Variants in SERGEF observed in about 807,000 individuals in gnomAD.
SERGEF encodes secretion regulating guanine nucleotide exchange factor.
Under a neutral mutation model 50.0 loss-of-function variants are expected in SERGEF, and 51 were observed. The observed-to-expected ratio is 1.02, with a 90% confidence interval of 0.81 to 1.29. The LOEUF is 1.29. Ranked by LOEUF, SERGEF falls within the 50% of genes most tolerant of loss-of-function variation. SERGEF has a pLI of 0.00. For missense variants in SERGEF, 521 were observed against 557.0 expected, an observed-to-expected ratio of 0.94 and a Z score of 0.65; for synonymous variants, 205 against 212.4, an observed-to-expected ratio of 0.97 and a Z score of 0.30.
At chr11:17,824,245 G>T (rs1421885782) in intron 10 of SERGEF, among the ~76,000 whole-genome samples, 4 of 151,376 alleles carry the variant, frequency 2.6e-5, no homozygotes, top group African/African-American at 9.7e-5. Context: ...AGCTTGCAGT[G>T]AGCCAAGATC....
chr11:17,901,979 A>G (rs983745909), intron 9 of SERGEF, among the ~76,000 whole-genome samples: 4 of 152,248 alleles, frequency 2.6e-5, no homozygotes, highest in Non-Finnish European at 5.9e-5. Context: ...AGAGAATTAA[A>G]TAAGATACTA....
chr11:17,913,151 C>A (rs190996762), intron 9 of SERGEF, among the ~76,000 whole-genome samples: 1 of 152,352 alleles, frequency 6.6e-6, no homozygotes, highest in East Asian at 1.9e-4. Flanking sequence ...TGGGGATGCA[C>A]TGGCTACCCG....
intron 10 of SERGEF, among the ~76,000 whole-genome samples, chr11:17,791,221 T>C (rs978937375): frequency 2.6e-5 from 4 of 152,264 alleles, no homozygotes; most frequent in African/African-American, 7.2e-5. Context: ...AGCATTGCTA[T>C]GAACATCTTT....
At chr11:17,840,135 TAAG>T (rs1850475050) in intron 10 of SERGEF, among the ~76,000 whole-genome samples, 1 of 152,206 alleles carries the variant, frequency 6.6e-6, no homozygotes, top group Non-Finnish European at 1.5e-5. Flanking sequence ...GCTCCAGTTA[TAAG>T]AAGTTCTTTG....
intron 4 of SERGEF, 43 bp from the exon 5 acceptor site, chr11:18,000,600 T>C (rs779610638): frequency 7.1e-7 from 1 of 1,412,160 alleles, no homozygotes; most frequent in South Asian, 1.2e-5. Context: ...GAACCATCCA[T>C]CTACAAAATT....
intron 5 of SERGEF, 92 bp from the exon 6 acceptor site, chr11:17,996,001 AATTCTTTC>A: frequency 1.1e-6 from 1 of 871,726 alleles, no homozygotes; most frequent in Non-Finnish European, 1.9e-6. Flanking sequence ...AGAAATTCCC[AATTCTTTC>A]TCAGTTAATA....
intron 10 of SERGEF, among the ~76,000 whole-genome samples, chr11:17,834,797 G>A (rs574400927): frequency 1.4e-4 from 22 of 151,984 alleles, no homozygotes; most frequent in Non-Finnish European, 2.1e-4. Context: ...TCTCTTTTAC[G>A]TTTTTCTCTT....
chr11:17,962,052 CCAAATAGT>C (rs1196086367), intron 8 of SERGEF, among the ~76,000 whole-genome samples: 2 of 152,218 alleles, frequency 1.3e-5, no homozygotes, highest in Admixed American at 1.3e-4. Flanking sequence ...CAATCAACAA[CCAAATAGT>C]CGAATCAAGA....
intron 10 of SERGEF, among the ~76,000 whole-genome samples, chr11:17,865,457 G>A (rs1234079644): frequency 6.6e-6 from 1 of 152,054 alleles, no homozygotes; most frequent in East Asian, 1.9e-4. Flanking sequence ...TATTACAGAA[G>A]AAGGCATTGT....
intron 9 of SERGEF, among the ~76,000 whole-genome samples, chr11:17,924,443 G>A (rs1852213865): frequency 1.3e-5 from 2 of 152,132 alleles, no homozygotes. Context: ...CTGTGCAAAG[G>A]AATGGTGGTG....
chr11:17,968,242 T>A (rs910188406), intron 8 of SERGEF, among the ~76,000 whole-genome samples: 1 of 152,154 alleles, frequency 6.6e-6, no homozygotes, highest in African/African-American at 2.4e-5. Flanking sequence ...TCAGAGACCA[T>A]CTAAACCTAC....
rs893117537 is a variant in SERGEF, at chr11:17,983,988, G to T, written c.844+4609C>A. On this transcript the variant is annotated intron_variant, in intron 8 of 10. Coordinates refer to ENST00000265965, the MANE Select transcript of SERGEF (RefSeq NM_012139.4). Reference sequence around the variant, plus strand: ...AGAGTGCAGATTGGATAGGGATCAAGAACTAGCATGGTGAGAAATGGGACT... The same window carrying T: ...AGAGTGCAGATTGGATAGGGATCAATAACTAGCATGGTGAGAAATGGGACT... Among the ~76,000 whole-genome samples the T allele has an allele frequency of 1.2e-3, 183 of 152,278 alleles. 3 individuals are homozygous for T. The highest frequency in any genetic ancestry group is 2.5e-4 in the Non-Finnish European group (17 of 68,012).
intron 8 of SERGEF, among the ~76,000 whole-genome samples, chr11:17,978,373 T>C (rs914249339): frequency 3.3e-5 from 5 of 152,210 alleles, no homozygotes; most frequent in South Asian, 2.1e-4. Flanking sequence ...CTGTGGGGTA[T>C]AGGACTTAAG....
intron 8 of SERGEF, among the ~76,000 whole-genome samples, chr11:17,965,471 C>T (rs927630067): frequency 6.6e-6 from 1 of 152,192 alleles, no homozygotes. Context: ...ACCCCATTCA[C>T]CTAGTCAACT....
At chr11:17,932,711 T>G (rs987934160) in intron 9 of SERGEF, among the ~76,000 whole-genome samples, 1 of 152,168 alleles carries the variant, frequency 6.6e-6, no homozygotes, top group Non-Finnish European at 1.5e-5. Flanking sequence ...CCAGAGCTAC[T>G]GCTTGGATTT....
intron 10 of SERGEF, among the ~76,000 whole-genome samples, chr11:17,794,169 C>T (rs901304685): frequency 7.2e-5 from 11 of 152,322 alleles, no homozygotes; most frequent in African/African-American, 2.4e-4. Flanking sequence ...TTTCTTGCAG[C>T]TAGCTAGGTG....
intron 1 of SERGEF, 105 bp downstream of exon 1, chr11:18,012,846 C>T (rs1343648124): frequency 6.6e-7 from 1 of 1,519,132 alleles, no homozygotes; most frequent in Non-Finnish European, 8.8e-7. Flanking sequence ...GAGCCCGGCT[C>T]GGACCTCAGC....
chr11:17,803,552 G>A (rs2299633), intron 10 of SERGEF, among the ~76,000 whole-genome samples: 54,061 of 152,066 alleles, frequency 0.36, 9,926 homozygotes, highest in South Asian at 0.44. Context: ...AAGAACAATC[G>A]TCTTTTCCTT....
At chr11:17,947,993 C>G (rs564478563) in intron 9 of SERGEF, among the ~76,000 whole-genome samples, 2 of 148,538 alleles carry the variant, frequency 1.3e-5, no homozygotes, top group African/African-American at 5.0e-5. Context: ...TGTTCTATCA[C>G]CCAGGCTGGA....
Sources: allele counts gnomAD v4.1 joint callset (sites outside exome capture counted in the v4.1 genomes callset), GRCh38; gene constraint gnomAD v4.1.1; transcripts MANE v1.5; gene names NCBI Gene and HGNC (gene_info 2026-07-23, HGNC 2026-07-21).